AGBL4: variants seen among roughly 807,000 people sequenced by gnomAD.
The protein encoded by AGBL4 is AGBL carboxypeptidase 4.
A neutral mutation model predicts 66.4 loss-of-function variants in AGBL4; 58 were observed. The ratio of observed to expected loss-of-function variants is 0.87; its 90% CI spans 0.71 to 1.09. The LOEUF is 1.09. AGBL4 is among the 50% of genes least tolerant of loss of function. The pLI is 0.00. For synonymous variants in AGBL4, 234 were observed against 222.9 expected, an observed-to-expected ratio of 1.05 and a Z score of -0.44; for missense variants, 579 against 631.0, an observed-to-expected ratio of 0.92 and a Z score of 0.88.
At chr1:48,834,169 A>C (rs892677961) in intron 6 of AGBL4, among the ~76,000 whole-genome samples, 1 of 152,220 alleles carries the variant, frequency 6.6e-6, no homozygotes, top group Non-Finnish European at 1.5e-5. Flanking sequence ...CTGGAAGCAC[A>C]TAACATATGT....
intron 3 of AGBL4, among the ~76,000 whole-genome samples, chr1:49,656,060 T>A (rs1440619782): frequency 2.0e-5 from 3 of 151,546 alleles, no homozygotes; most frequent in African/African-American, 7.3e-5. Context: ...GGCAGGAGAA[T>A]AGCTTGAACC....
intron 1 of AGBL4, among the ~76,000 whole-genome samples, chr1:49,882,954 A>C (rs545954773): frequency 6.6e-6 from 1 of 152,270 alleles, no homozygotes; most frequent in Non-Finnish European, 1.5e-5. Flanking sequence ...GTATGCAAAA[A>C]TCCTATTCAT....
At chr1:49,202,217 T>C (rs1245663257) in intron 4 of AGBL4, among the ~76,000 whole-genome samples, 2 of 152,186 alleles carry the variant, frequency 1.3e-5, no homozygotes, top group East Asian at 1.9e-4. Flanking sequence ...AAATCAATAG[T>C]TGTTTAATGA....
chr1:49,798,442 G>A (rs1477310308), intron 2 of AGBL4, among the ~76,000 whole-genome samples: 1 of 152,052 alleles, frequency 6.6e-6, no homozygotes, highest in Admixed American at 6.6e-5. Flanking sequence ...ATTAATGCAT[G>A]CATTTAAATT....
intron 5 of AGBL4, among the ~76,000 whole-genome samples, chr1:48,920,931 G>A (rs1280478836): frequency 6.6e-6 from 1 of 152,218 alleles, no homozygotes; most frequent in East Asian, 1.9e-4. Flanking sequence ...TCTTCCCACT[G>A]TTTGCCTGCC....
At chr1:48,860,750 G>A (rs1486343549) in intron 6 of AGBL4, among the ~76,000 whole-genome samples, 1 of 152,132 alleles carries the variant, frequency 6.6e-6, no homozygotes, top group Non-Finnish European at 1.5e-5. Flanking sequence ...GTGGGTAGAG[G>A]CAACTGCAAA....
intron 3 of AGBL4, among the ~76,000 whole-genome samples, chr1:49,513,127 C>T (rs1649430261): frequency 6.6e-6 from 1 of 152,012 alleles, no homozygotes; most frequent in African/African-American, 2.4e-5. Flanking sequence ...GAAAATGAAC[C>T]TCTATCTTTA....
chr1:49,735,296 G>GGTGTGTGTGTGTGTGTGTGTGT (rs34172664), intron 2 of AGBL4, among the ~76,000 whole-genome samples: 1 of 127,312 alleles, frequency 7.9e-6, no homozygotes, highest in East Asian at 2.2e-4. Flanking sequence ...GAGGTGTGTG[G>GGTGTGTGTGTGTGTGTGTGTGT]GTGTGTGTGT....
At chr1:49,860,556 G>A (rs1473008885) in intron 1 of AGBL4, among the ~76,000 whole-genome samples, 1 of 152,084 alleles carries the variant, frequency 6.6e-6, no homozygotes, top group Non-Finnish European at 1.5e-5. Context: ...AAAGTTAGCT[G>A]GCAGTGGTGG....
chr1:48,699,166 C>A (rs867823104), intron 6 of AGBL4, among the ~76,000 whole-genome samples: 1 of 152,182 alleles, frequency 6.6e-6, no homozygotes, highest in South Asian at 2.1e-4. Context: ...TCAGGGGGAG[C>A]TCTGCATAGG....
At chr1:49,882,192 A>G (rs1316023996) in intron 1 of AGBL4, among the ~76,000 whole-genome samples, 1 of 150,740 alleles carries the variant, frequency 6.6e-6, no homozygotes, top group African/African-American at 2.4e-5. Flanking sequence ...AAGATCAGAT[A>G]GTTGTAGATA....
At chr1:49,125,225 T>C (rs747401821) in intron 4 of AGBL4, among the ~76,000 whole-genome samples, 6 of 152,174 alleles carry the variant, frequency 3.9e-5, no homozygotes, top group Non-Finnish European at 5.9e-5. Context: ...AGAATTTAGA[T>C]ATCTGAAACA....
At chr1:49,559,251 T>A (rs1209547200) in intron 3 of AGBL4, among the ~76,000 whole-genome samples, 1 of 152,060 alleles carries the variant, frequency 6.6e-6, no homozygotes, top group Admixed American at 6.6e-5. Flanking sequence ...TTTTGAGGAA[T>A]GTAAGGGAAA....
chr1:49,061,532 G>C (rs1347007297), intron 4 of AGBL4, among the ~76,000 whole-genome samples: 2 of 152,130 alleles, frequency 1.3e-5, no homozygotes. Context: ...ACAGCCCTGG[G>C]AATGTCTAAT....
chr1:48,562,927 G>A (rs942432368), intron 11 of AGBL4, among the ~76,000 whole-genome samples: 3 of 152,196 alleles, frequency 2.0e-5, no homozygotes, highest in African/African-American at 7.2e-5. Flanking sequence ...ATGGCAGGTA[G>A]TGGCAGAATA....
chr1:49,607,460 C>CT (rs1358880251), intron 3 of AGBL4, among the ~76,000 whole-genome samples: 1 of 152,098 alleles, frequency 6.6e-6, no homozygotes, highest in Non-Finnish European at 1.5e-5. Context: ...ATCAATATTC[C>CT]TTTGCATACA....
chr1:49,320,704 G>C (rs958306942), intron 3 of AGBL4, among the ~76,000 whole-genome samples: 1 of 152,122 alleles, frequency 6.6e-6, no homozygotes, highest in South Asian at 2.1e-4. Flanking sequence ...TTTGAGGAGC[G>C]TGACTCAAAG....
intron 3 of AGBL4, among the ~76,000 whole-genome samples, chr1:49,577,500 T>C (rs1383443968): frequency 6.6e-6 from 1 of 152,220 alleles, no homozygotes; most frequent in Non-Finnish European, 1.5e-5. Context: ...AGGTTGATTA[T>C]ATTGGACCTC....
At chr1:49,277,575 G>T (rs1371990063) in intron 3 of AGBL4, among the ~76,000 whole-genome samples, 1 of 151,594 alleles carries the variant, frequency 6.6e-6, no homozygotes, top group Non-Finnish European at 1.5e-5. Flanking sequence ...ATACTTTACT[G>T]GTTGGAAAGC....
Sources: gnomAD v4.1 joint callset for allele counts (sites outside exome capture counted in the v4.1 genomes callset) on GRCh38, gnomAD v4.1.1 for gene constraint, MANE v1.5 for transcripts, NCBI Gene and HGNC (gene_info 2026-07-23, HGNC 2026-07-21) for gene names.